Variants in PRKCB observed in about 807,000 individuals in gnomAD.
PRKCB encodes protein kinase C beta type.
In PRKCB, 13 loss-of-function variants were observed where a neutral mutation model predicts 81.5. The observed-to-expected ratio is 0.16, with a 90% confidence interval of 0.10 to 0.25. The LOEUF is 0.25. Ranked by LOEUF, PRKCB falls within the 10% of genes least tolerant of loss-of-function variation. The pLI is 1.00. For missense variants in PRKCB, 509 were observed against 875.7 expected (o/e 0.58, Z 5.29); for synonymous variants, 335 against 321.4 (o/e 1.04, Z -0.45).
intron 2 of PRKCB, among the ~76,000 whole-genome samples, chr16:23,930,543 T>TG (rs955764343): frequency 2.1e-5 from 3 of 145,010 alleles, no homozygotes; most frequent in African/African-American, 7.6e-5. Context: ...CACTTCAGCC[T>TG]GGGTGAGAGA....
At chr16:24,157,274 G>T (rs1967175083) in intron 10 of PRKCB, among the ~76,000 whole-genome samples, 1 of 152,108 alleles carries the variant, frequency 6.6e-6, no homozygotes, top group Non-Finnish European at 1.5e-5. Flanking sequence ...GACATGATTT[G>T]GCTGTGTCCC....
chr16:24,109,341 C>A (rs1230878035), intron 7 of PRKCB, among the ~76,000 whole-genome samples: 1 of 104,770 alleles, frequency 9.5e-6, no homozygotes, highest in Non-Finnish European at 1.9e-5. Flanking sequence ...ACGCTCCTCA[C>A]TTCCCAGACG....
Position 24,220,511 on chromosome 16 carries a change from A to G in PRKCB, c.*5695A>G, listed in dbSNP as rs1275411890. On this transcript the variant is annotated 3_prime_UTR_variant, in exon 17 of 17. Transcript: ENST00000643927. ...AATGCTAAGCATGAGCGATATTTTT[A>G]AAAATTGTGAGTAAGCTTTGCAGTT... 1 of 158,500 alleles carries G rather than the reference A, an allele frequency of 6.3e-6. No individual in the cohort carries two copies. The highest frequency in any genetic ancestry group is 2.4e-5 in the African/African-American group (1 of 41,576). 9.8% of individuals were successfully genotyped at this position (158,500 alleles called of 1,614,324 possible).
At chr16:23,952,652 C>T (rs538890556) in intron 2 of PRKCB, among the ~76,000 whole-genome samples, 3 of 152,258 alleles carry the variant, frequency 2.0e-5, no homozygotes, top group African/African-American at 7.2e-5. Flanking sequence ...TCCCTGGTGT[C>T]CCTGTTGCTG....
chr16:24,110,304 C>T lies in PRKCB; in HGVS notation c.822-2669C>T, dbSNP rs191676665. On this transcript the variant is annotated intron_variant, in intron 7 of 16. Transcript: ENST00000643927. ...TCGGTTCACTGCAACCTCTGCCTCC[C>T]GGGTTCAAGCGATTCTCCTGTCTCA... 1.3e-3 allele frequency among the ~76,000 whole-genome samples: 191 copies of T among 150,132 alleles called. 1 individual carries two copies. The highest frequency in any genetic ancestry group is 4.4e-3 in the African/African-American group (178 of 40,666).
chr16:24,039,346 A>C (rs537154427), intron 5 of PRKCB, among the ~76,000 whole-genome samples: 16 of 152,162 alleles, frequency 1.1e-4, no homozygotes, highest in Admixed American at 2.0e-4. Flanking sequence ...CTCCGGTCTC[A>C]GCCTCCCGAG....
intron 5 of PRKCB, among the ~76,000 whole-genome samples, chr16:24,046,380 C>T (rs1330045114): frequency 6.6e-6 from 1 of 152,196 alleles, no homozygotes; most frequent in East Asian, 1.9e-4. Context: ...ATGGCCTCTG[C>T]CTTCTTTCTA....
intron 10 of PRKCB, among the ~76,000 whole-genome samples, chr16:24,169,144 C>T: frequency 6.6e-6 from 1 of 152,054 alleles, no homozygotes; most frequent in East Asian, 1.9e-4. Flanking sequence ...GCCAAGCCTC[C>T]CCAGTAGTCA....
chr16:24,094,856 G>GGAAAT (rs1555496391), intron 7 of PRKCB, among the ~76,000 whole-genome samples: 8,230 of 139,674 alleles, frequency 0.059, 321 homozygotes, highest in Non-Finnish European at 0.086. Context: ...AGGAAGGAAA[G>GGAAAT]GAAGAAAAAG....
At chr16:24,214,493 T>A (rs1968192843) in intron 16 of PRKCB, among the ~76,000 whole-genome samples, 165 bp from the exon 17 acceptor site, 1 of 152,194 alleles carries the variant, frequency 6.6e-6, no homozygotes, top group Non-Finnish European at 1.5e-5. Flanking sequence ...ATTTTGCATT[T>A]TATGTTGCTC....
At position 24,215,849 on chromosome 16, in the gene PRKCB, TGA is replaced by T. The variant is rs1338461032; in HGVS notation, c.*1034_*1035del. ...GCTTCAGAAAGCTAATTAAGTGCTC[TGA>T]AAAAGACACCGTTTCTTGAAACAAA... On this transcript the variant is annotated 3_prime_UTR_variant, in exon 17 of 17. Transcript: ENST00000643927. The T allele has an allele frequency of 5.1e-6, 5 of 985,480 alleles. No homozygotes were observed. In the East Asian group the frequency reaches 5.7e-4, roughly 112 times the overall value. 61.0% of individuals were successfully genotyped at this position (985,480 alleles called of 1,614,324 possible). A position where few individuals can be genotyped will look rare whatever the true frequency, so the allele number is the denominator to read the frequency against.
At chr16:24,181,368 A>G (rs1397227564) in intron 13 of PRKCB, among the ~76,000 whole-genome samples, 1 of 152,214 alleles carries the variant, frequency 6.6e-6, no homozygotes, top group Non-Finnish European at 1.5e-5. Context: ...TATTTATAGC[A>G]TGAAATACTA....
At chr16:23,840,882 T>C (rs1567285969) in intron 2 of PRKCB, among the ~76,000 whole-genome samples, 1 of 152,164 alleles carries the variant, frequency 6.6e-6, no homozygotes, top group East Asian at 1.9e-4. Flanking sequence ...TGCCTCATAA[T>C]TTCTCCCTTT....
chr16:23,981,505 G>C (rs994817072), intron 2 of PRKCB, among the ~76,000 whole-genome samples: 1 of 152,032 alleles, frequency 6.6e-6, no homozygotes, highest in Non-Finnish European at 1.5e-5. Flanking sequence ...GGTGTCAGGG[G>C]GTCGGGGGTA....
chr16:24,209,417 A>G (rs1228732162), intron 16 of PRKCB, among the ~76,000 whole-genome samples: 1 of 151,996 alleles, frequency 6.6e-6, no homozygotes, highest in Non-Finnish European at 1.5e-5. Context: ...CAATCCCCAC[A>G]CTGCAGCTGA....
intron 5 of PRKCB, among the ~76,000 whole-genome samples, chr16:24,043,459 T>A (rs1965727046): frequency 6.6e-6 from 1 of 152,182 alleles, no homozygotes; most frequent in Non-Finnish European, 1.5e-5. Context: ...TTCAGTTAAA[T>A]CATATCTGTC....
intron 5 of PRKCB, among the ~76,000 whole-genome samples, chr16:24,064,003 T>C (rs1596533729): frequency 6.6e-6 from 1 of 152,218 alleles, no homozygotes; most frequent in East Asian, 1.9e-4. Context: ...GAGCAGCGTG[T>C]ATAGTGTGAT....
Position 23,915,689 on chromosome 16 carries a change from C to CAAAAAAAAAAAAAAAAA in PRKCB, c.206-72812_206-72796dup, listed in dbSNP as rs71154259. On this transcript the variant is annotated intron_variant, in intron 2 of 16. Transcript: ENST00000643927. ...CCTGGGCAAGAGTGAGACTCTCTAT[C>CAAAAAAAAAAAAAAAAA]AAAAAAAAAAAAAAAAAAAAAAAGC... is the stretch of plus-strand genomic sequence containing the variant. Among the ~76,000 whole-genome samples, 17 of 54,536 alleles carry CAAAAAAAAAAAAAAAAA rather than the reference C, an allele frequency of 3.1e-4. 1 individual carries two copies. The highest frequency in any genetic ancestry group is 3.7e-4 in the Non-Finnish European group (12 of 32,750). 35.8% of individuals were successfully genotyped at this position (54,536 alleles called of 152,430 possible).
Position 24,143,202 on chromosome 16 carries a change from G to A in PRKCB, c.1066-11482G>A, listed in dbSNP as rs372463695. Among the ~76,000 whole-genome samples, 4 of 151,462 alleles carry A rather than the reference G, an allele frequency of 2.6e-5. No individual in the cohort carries two copies. The South Asian group carries it at 6.3e-4, about 24-fold the overall frequency. ...GTCTGGTGTGCAGTGGCATGATCTC[G>A]GCTCACTGCAACCTCCACCTCCTTG... On this transcript the variant is annotated intron_variant, in intron 9 of 16. Transcript: ENST00000643927.
Sources: gnomAD v4.1 joint callset for allele counts (sites outside exome capture counted in the v4.1 genomes callset) on GRCh38, gnomAD v4.1.1 for gene constraint, MANE v1.5 for transcripts, NCBI Gene and HGNC (gene_info 2026-07-23, HGNC 2026-07-21) for gene names.